OR6K6: variants seen among roughly 807,000 people sequenced by gnomAD.
The protein encoded by OR6K6 is olfactory receptor family 6 subfamily K member 6.
Under a neutral mutation model 8.1 loss-of-function variants are expected in OR6K6, and 9 were observed. The observed-to-expected ratio is 1.11, with a 90% confidence interval of 0.67 to 1.94. The LOEUF (loss-of-function observed/expected upper bound fraction) is 1.94. Among genes scored for constraint, OR6K6 ranks in the 30% most tolerant of loss-of-function variants. The pLI, the probability that OR6K6 is intolerant of heterozygous loss-of-function variation, is 0.00. For synonymous variants in OR6K6, 156 were observed against 140.3 expected, an observed-to-expected ratio of 1.11 and a Z score of -0.79; for missense variants, 400 against 383.1, an observed-to-expected ratio of 1.04 and a Z score of -0.37.
Position 158,755,507 on chromosome 1 carries a change from C to T in OR6K6, c.620C>T (p.Ala207Val), listed in dbSNP as rs776144585. 1.7e-5 allele frequency: 27 copies of T among 1,614,164 alleles called. No individual in the cohort carries two copies. The Admixed American group carries it at 4.0e-4, about 24-fold the overall frequency. ...GTGGTCATTGTGGATGCCATCCATG[C>T]AGCGGAAATTGTAGCCTCCTTCCTG... The change falls in exon 1 of 1, where the codon GCA (alanine) becomes GTA (valine). Residue 207 changes from alanine (A) to valine (V), a missense_variant. Ala to Val is a moderately conservative substitution (Grantham distance 64). Transcript: ENST00000641861.
chr1:158,755,291 G>A (rs377324204), exon 1 of OR6K6: 26 of 1,613,984 alleles, frequency 1.6e-5, no homozygotes, highest in South Asian at 2.2e-5. Context: ...AATCCACTCC[G>A]TTACCCAACC....
chr1:158,754,726 A>G, exon 1 of OR6K6: 1 of 997,108 alleles, frequency 1.0e-6, no homozygotes, highest in Non-Finnish European at 1.5e-6. Context: ...ATTTCAGATG[A>G]TTTTGGCATG....
At chr1:158,755,121 C>A (rs1656956909) in exon 1 of OR6K6, 7 of 1,613,926 alleles carry the variant, frequency 4.3e-6, no homozygotes, top group Non-Finnish European at 5.9e-6. Context: ...TCTGCTATAC[C>A]ACAACCACCA....
Position 158,755,021 on chromosome 1 carries a change from G to A in OR6K6, c.134G>A (p.Gly45Glu), listed in dbSNP as rs114533687. 3.2e-3 allele frequency: 5,177 copies of A among 1,614,036 alleles called. 18 individuals carry two copies. Among genetic ancestry groups the A allele is most frequent in the South Asian group, 3.9e-3 (353 of 91,074 alleles). Reference sequence around the variant, plus strand: ...CTCATCTACGGATTTATCCTAACTGGAAACCTAATAATGTTCATTGTCATC... The same window carrying A: ...CTCATCTACGGATTTATCCTAACTGAAAACCTAATAATGTTCATTGTCATC... The change falls in exon 1 of 1, where the codon GGA becomes GAA. Residue 45 changes from glycine (G) to glutamate (E), a missense_variant. Coordinates refer to ENST00000641861, the Ensembl canonical transcript of OR6K6.
chr1:158,755,702 T>C (rs1656976698), exon 1 of OR6K6: 2 of 1,614,068 alleles, frequency 1.2e-6, no homozygotes, highest in Admixed American at 1.7e-5. Flanking sequence ...TACTCAGTGT[T>C]TTGGGACACA....
exon 1 of OR6K6, chr1:158,755,670 G>T: frequency 6.2e-7 from 1 of 1,614,210 alleles, no homozygotes; most frequent in Non-Finnish European, 8.5e-7. Context: ...TGGCTGTCAT[G>T]TATTTGAGAT....
At chr1:158,754,933 T>A (rs201333682) in exon 1 of OR6K6, 2 of 1,614,128 alleles carry the variant, frequency 1.2e-6, no homozygotes, top group East Asian at 2.2e-5. Flanking sequence ...GGTGACTGAG[T>A]TCCTCTTCTC....
exon 1 of OR6K6, chr1:158,755,852 A>G: frequency 6.4e-7 from 1 of 1,566,578 alleles, no homozygotes; most frequent in Non-Finnish European, 8.6e-7. Context: ...AAATAGATAC[A>G]GATCCTGGAG....
In OR6K6 at chr1:158,754,928, C is replaced by G. The variant is rs760056947; in HGVS notation, c.41C>G (p.Thr14Ser). ...GCCAGTGGGAATCAGACAATGGTGA[C>G]TGAGTTCCTCTTCTCTATGTTCCCG... The change falls in exon 1 of 1, where the codon ACT (threonine) becomes AGT (serine). Residue 14 changes from threonine to serine, a missense_variant. Thr to Ser is a moderately conservative substitution (Grantham distance 58). Coordinates refer to ENST00000641861, the Ensembl canonical transcript of OR6K6. 3 of 1,614,040 alleles carry G rather than the reference C, an allele frequency of 1.9e-6. No individual in the cohort carries two copies. In the African/African-American group the frequency reaches 4.0e-5, roughly 22 times the overall value.
In OR6K6 at chr1:158,755,054, G is replaced by A. The variant is rs16840980; in HGVS notation, c.167G>A (p.Gly56Asp). The change falls in exon 1 of 1, where the codon GGC (glycine) becomes GAC (aspartate). Residue 56 changes from glycine to aspartate, a missense_variant. Gly to Asp is a moderately conservative substitution (Grantham distance 94). Coordinates refer to ENST00000641861, the Ensembl canonical transcript of OR6K6. ...ATAATGTTCATTGTCATCCAGGTGG[G>A]CATGGCCCTGCACACCCCTTTGTAT... The A allele has an allele frequency of 0.014, 21,937 of 1,613,962 alleles. 2,455 individuals are homozygous for A. In the African/African-American group the frequency reaches 0.25, roughly 18 times the overall value.
At chr1:158,755,832 T>C (rs1174724674) in exon 1 of OR6K6, 3 of 1,602,582 alleles carry the variant, frequency 1.9e-6, no homozygotes, top group East Asian at 2.2e-5. Context: ...AGAGGGCTGG[T>C]TGGGCTGGGA....
At chr1:158,755,343 C>A in exon 1 of OR6K6, 12 of 1,614,178 alleles carry the variant, frequency 7.4e-6, no homozygotes, top group Non-Finnish European at 1.0e-5. Flanking sequence ...CAGTTGGATC[C>A]TGCTTTTGTG....
At chr1:158,755,059 G>A (rs771181432) in exon 1 of OR6K6, 3 of 1,614,100 alleles carry the variant, frequency 1.9e-6, no homozygotes, top group East Asian at 4.5e-5. Flanking sequence ...GGTGGGCATG[G>A]CCCTGCACAC....
At chr1:158,755,360 T>C in exon 1 of OR6K6, 1 of 1,614,214 alleles carries the variant, frequency 6.2e-7, no homozygotes, top group South Asian at 1.1e-5. Context: ...TGTGGCTTCC[T>C]CCTTGTGCTT....
At chr1:158,755,367 G>A in exon 1 of OR6K6, 1 of 1,614,114 alleles carries the variant, frequency 6.2e-7, no homozygotes, top group Non-Finnish European at 8.5e-7. Context: ...TCCTCCTTGT[G>A]CTTCCTGAGA....
chr1:158,754,738 A>G, exon 1 of OR6K6: 1 of 1,092,066 alleles, frequency 9.2e-7, no homozygotes, highest in Non-Finnish European at 1.3e-6. Flanking sequence ...TTTGGCATGG[A>G]GGTAAAGCTT....
exon 1 of OR6K6, chr1:158,755,285 C>A (rs770663048): frequency 3.1e-6 from 5 of 1,614,112 alleles, no homozygotes; most frequent in Middle Eastern, 1.6e-4. Flanking sequence ...ATCTGCAATC[C>A]ACTCCGTTAC....
exon 1 of OR6K6, chr1:158,755,025 C>T: frequency 6.2e-7 from 1 of 1,614,084 alleles, no homozygotes; most frequent in African/African-American, 1.3e-5. Flanking sequence ...TAACTGGAAA[C>T]CTAATAATGT....
exon 1 of OR6K6, chr1:158,755,746 T>C (rs1200398299): frequency 2.5e-6 from 4 of 1,613,202 alleles, no homozygotes; most frequent in Admixed American, 1.7e-5. Context: ...CCTTGCTCCC[T>C]TTTTCAACCC....
Sources: allele counts gnomAD v4.1 joint callset, GRCh38; gene constraint gnomAD v4.1.1; transcripts MANE v1.5; gene names NCBI Gene and HGNC (gene_info 2026-07-23, HGNC 2026-07-21).